MCPH1: variants seen among roughly 807,000 people sequenced by gnomAD.
MCPH1 encodes the protein microcephalin.
MCPH1 carries 104 observed loss-of-function variants against 84.5 expected under a neutral mutation model. That is an observed-to-expected ratio of 1.23 (90% CI 1.05 to 1.45). The LOEUF (loss-of-function observed/expected upper bound fraction) is 1.45, where lower values mean the gene tolerates loss of function less well. Ranked by LOEUF, MCPH1 falls within the 40% of genes most tolerant of loss-of-function variation. The probability of loss-of-function intolerance (pLI) is 0.00; values close to 1 mark genes in which losing one functional copy is unlikely to be tolerated. For missense variants in MCPH1, 1,498 were observed against 1,005.7 expected, an observed-to-expected ratio of 1.49 and a Z score of -6.62; for synonymous variants, 514 against 366.8, an observed-to-expected ratio of 1.40 and a Z score of -4.58.
intron 9 of MCPH1, among the ~76,000 whole-genome samples, chr8:6,462,247 G>C (rs572442312): frequency 4.6e-5 from 7 of 152,304 alleles, no homozygotes; most frequent in Non-Finnish European, 1.0e-4. Context: ...ACAAATAATA[G>C]CTTGCATATG....
intron 12 of MCPH1, among the ~76,000 whole-genome samples, chr8:6,517,816 A>G (rs115228611): frequency 3.3e-3 from 498 of 152,308 alleles, no homozygotes; most frequent in African/African-American, 0.011. Flanking sequence ...AAGTCTGTCT[A>G]TCTCTCCCTG....
chr8:6,547,045 G>A (rs1822720640), intron 12 of MCPH1, among the ~76,000 whole-genome samples: 1 of 152,088 alleles, frequency 6.6e-6, no homozygotes, highest in Non-Finnish European at 1.5e-5. Context: ...ACATGCACGT[G>A]TTCCGTGTGT....
intron 12 of MCPH1, among the ~76,000 whole-genome samples, chr8:6,576,682 ATTTTTTTTTTTTT>A (rs58486084): frequency 2.1e-3 from 89 of 42,292 alleles, no homozygotes; most frequent in African/African-American, 3.7e-3. Flanking sequence ...TAATTTTTGT[ATTTTTTTTTTTTT>A]TTTTTTTTTT....
intron 12 of MCPH1, among the ~76,000 whole-genome samples, chr8:6,536,511 C>A (rs886913380): frequency 3.3e-5 from 5 of 152,038 alleles, no homozygotes; most frequent in Non-Finnish European, 7.4e-5. Context: ...CAGTGGAGGG[C>A]CATTTTTACC....
At chr8:6,559,262 G>C (rs1023703384) in intron 12 of MCPH1, among the ~76,000 whole-genome samples, 5 of 50,800 alleles carry the variant, frequency 9.8e-5, no homozygotes, top group Non-Finnish European at 1.4e-4. Flanking sequence ...CACACACACA[G>C]AGTCCCTAGC....
At chr8:6,632,832 T>C (rs1046059448) in intron 13 of MCPH1, among the ~76,000 whole-genome samples, 18 of 151,460 alleles carry the variant, frequency 1.2e-4, no homozygotes, top group Middle Eastern at 3.4e-3. Context: ...AAAAAAAAAC[T>C]CAGAAATAAG....
chr8:6,620,887 A>C (rs1363513593), intron 12 of MCPH1: 1 of 164,330 alleles, frequency 6.1e-6, no homozygotes, highest in East Asian at 1.8e-4. Context: ...TCTCTCCCCC[A>C]AACCCAGCGT....
At chr8:6,465,549 C>T (rs912719449) in intron 9 of MCPH1, among the ~76,000 whole-genome samples, 8 of 152,212 alleles carry the variant, frequency 5.3e-5, no homozygotes, top group Non-Finnish European at 1.5e-5. Flanking sequence ...AGCGTTCTCT[C>T]ACTTGTGATA....
chr8:6,532,368 C>T (rs6559167), intron 12 of MCPH1: 1 of 1,613,680 alleles, frequency 6.2e-7, no homozygotes, highest in Non-Finnish European at 8.5e-7. Flanking sequence ...GCGTTTGCTC[C>T]GCTGTTTGGT....
At chr8:6,551,963 A>C (rs1823726754) in intron 12 of MCPH1, among the ~76,000 whole-genome samples, 1 of 152,240 alleles carries the variant, frequency 6.6e-6, no homozygotes, top group South Asian at 2.1e-4. Context: ...AAACTCTAAT[A>C]CTTCAACTAT....
At chr8:6,505,658 A>C (rs564118928) in intron 12 of MCPH1, among the ~76,000 whole-genome samples, 7 of 130,134 alleles carry the variant, frequency 5.4e-5, no homozygotes, top group African/African-American at 2.0e-4. Context: ...ATCTATTTAT[A>C]TATAGAATAT....
At chr8:6,548,054 T>C (rs1822928768) in intron 12 of MCPH1, among the ~76,000 whole-genome samples, 1 of 152,156 alleles carries the variant, frequency 6.6e-6, no homozygotes, top group Non-Finnish European at 1.5e-5. Flanking sequence ...GCTTAAACTT[T>C]GTGGTTTAGT....
intron 2 of MCPH1, among the ~76,000 whole-genome samples, chr8:6,414,409 A>T (rs945102617): frequency 6.6e-6 from 1 of 152,098 alleles, no homozygotes; most frequent in Non-Finnish European, 1.5e-5. Context: ...TATTTTTTTG[A>T]TGTAGAAAGC....
chr8:6,424,498 C>T (rs1054543920), intron 3 of MCPH1, among the ~76,000 whole-genome samples: 4 of 152,196 alleles, frequency 2.6e-5, no homozygotes, highest in Admixed American at 1.3e-4. Context: ...ATCCTACCAG[C>T]AGCCAGCTCC....
At chr8:6,574,494 T>G (rs1371299885) in intron 12 of MCPH1, among the ~76,000 whole-genome samples, 1 of 152,218 alleles carries the variant, frequency 6.6e-6, no homozygotes, top group African/African-American at 2.4e-5. Context: ...GCTTAGGACT[T>G]ACATCTTTCT....
intron 8 of MCPH1, among the ~76,000 whole-genome samples, chr8:6,448,379 G>T (rs1171181759): frequency 6.6e-6 from 1 of 152,198 alleles, no homozygotes; most frequent in African/African-American, 2.4e-5. Flanking sequence ...GACTTCCTGA[G>T]CTGCAGGAAG....
intron 11 of MCPH1, among the ~76,000 whole-genome samples, chr8:6,488,821 C>G (rs1240525187): frequency 6.6e-6 from 1 of 151,936 alleles, no homozygotes; most frequent in African/African-American, 2.4e-5. Context: ...GAGGTAAGAA[C>G]AGGGTGAGAA....
chr8:6,511,836 G>T (rs1421680711), intron 12 of MCPH1, among the ~76,000 whole-genome samples: 1 of 151,398 alleles, frequency 6.6e-6, no homozygotes, highest in Non-Finnish European at 1.5e-5. Flanking sequence ...AGCGTACAAG[G>T]GTAATGACCC....
chr8:6,487,806 G>A (rs1810112431), intron 11 of MCPH1, among the ~76,000 whole-genome samples: 4 of 152,164 alleles, frequency 2.6e-5, no homozygotes, highest in Admixed American at 2.0e-4. Flanking sequence ...ACTTCACAGA[G>A]TGTTTTCACA....
Sources: allele counts gnomAD v4.1 joint callset (sites outside exome capture counted in the v4.1 genomes callset), GRCh38; gene constraint gnomAD v4.1.1; transcripts MANE v1.5; gene names NCBI Gene and HGNC (gene_info 2026-07-23, HGNC 2026-07-21).